The following IRX1 variants were observed in gnomAD, a reference collection of about 807,000 sequenced individuals.
The protein encoded by IRX1 is iroquois-class homeodomain protein IRX-1.
Under a neutral mutation model 34.1 loss-of-function variants are expected in IRX1, and 22 were observed. The observed-to-expected ratio is 0.64, with a 90% CI of 0.46 to 0.92. The LOEUF is 0.92. Among genes scored for constraint, IRX1 ranks in the 40% least tolerant of loss-of-function variants. The pLI, the probability that IRX1 is intolerant of heterozygous loss-of-function variation, is 0.00. For missense variants in IRX1, 758 were observed against 680.0 expected, an observed-to-expected ratio of 1.11 and a Z score of -1.28; for synonymous variants, 363 against 319.0, an observed-to-expected ratio of 1.14 and a Z score of -1.47.
rs1733917549 is a variant in IRX1, at chr5:3,600,034, A to T, written c.1086A>T (p.Gly362=). The part of the protein sequence containing the change: ...LQHPAFLPSH[G]LYTCHIGKFS... ...ACCCCGCCTTCCTGCCTAGCCACGG[A>T]CTGTACACCTGCCACATCGGCAAGT... The change falls in exon 2 of 4, where the codon GGA becomes GGT. Residue 362 remains glycine, a synonymous_variant. Coordinates refer to ENST00000302006, the MANE Select transcript of IRX1 (RefSeq NM_024337.4). 1.2e-5 allele frequency: 19 copies of T among 1,589,256 alleles called. No individual in the cohort carries two copies. The highest frequency in any genetic ancestry group is 1.6e-5 in the Non-Finnish European group (19 of 1,165,912).
In IRX1 at chr5:3,596,090, C is replaced by T; in HGVS notation, c.-16C>T. On this transcript the variant is annotated 5_prime_UTR_variant, in exon 1 of 4. Coordinates refer to ENST00000302006, the MANE Select transcript of IRX1 (RefSeq NM_024337.4). ...TTTAATACTCGCCCGCTGCGGCGGT[C>T]GCCGAGTCCGCGGACATGTCCTTCC... is the stretch of plus-strand genomic sequence containing the variant. The T allele has an allele frequency of 9.4e-7, 1 of 1,062,840 alleles. No homozygotes were observed. The highest frequency in any genetic ancestry group is 1.1e-6 in the Non-Finnish European group (1 of 879,726). The allele number at this position is 1,062,840 out of a possible 1,614,324, so 65.8% of individuals were successfully genotyped here.
rs150332848 is a variant in IRX1, at chr5:3,600,202, T to A, written c.1254T>A (p.Ile418=). Residue 418 remains isoleucine, a synonymous_variant, in exon 2 of 4, where the codon ATT becomes ATA. Coordinates refer to ENST00000302006, the MANE Select transcript of IRX1 (RefSeq NM_024337.4). ...CACCACCGCAGCCGCCGGTCGCTAT[T>A]GCCCCGGGGGCACTCAATGGAGACA... ...APPPPQPPVA[I]APGALNGDKA... is the part of the protein sequence containing the mutation. The A allele has an allele frequency of 9.6e-4, 1,544 of 1,611,564 alleles. 12 individuals are homozygous for A. The African/African-American group carries it at 0.018, about 19-fold the overall frequency.
In IRX1 at chr5:3,596,411, C is replaced by G. The variant is rs200280489; in HGVS notation, c.276+30C>G. The G allele has an allele frequency of 1.2e-5, 18 of 1,471,994 alleles. No homozygotes were observed. The Admixed American group carries it at 4.1e-4, about 33-fold the overall frequency. The allele number at this position is 1,471,994 out of a possible 1,614,324, so 91.2% of individuals were successfully genotyped here. On this transcript the variant is annotated intron_variant, in intron 1 of 3. Transcript: ENST00000302006. The stretch of plus-strand genomic sequence containing the variant: ...GTGCGCCCGGCCTCCCCCGCTTCTC[C>G]TCTGTCTCACCCGCGCCAGGGCAAG...
intron 1 of IRX1, among the ~76,000 whole-genome samples, chr5:3,597,714 C>G (rs1165642518): frequency 6.6e-6 from 1 of 152,196 alleles, no homozygotes; most frequent in African/African-American, 2.4e-5. Context: ...CATTTTGGAA[C>G]GATTGGGCAA....
chr5:3,600,749 C>G, intron 3 of IRX1, 68 bp downstream of exon 3: 1 of 1,441,364 alleles, frequency 6.9e-7, no homozygotes, highest in Non-Finnish European at 9.7e-7. Flanking sequence ...GGTCGGGACC[C>G]GGGCGGAGCT....
chr5:3,599,289 C>G lies in IRX1; in HGVS notation c.341C>G (p.Ala114Gly), dbSNP rs1433427448. The part of the protein sequence containing the change: ...VHPATFAAHT[A>G]PAYYPYGQFQ... ...CCCGCCACCTTCGCAGCCCACACGG[C>G]GCCGGCTTATTACCCCTACGGCCAG... Residue 114 changes from alanine to glycine, a missense_variant, in exon 2 of 4, where the codon GCG becomes GGG. Ala to Gly is a moderately conservative substitution (Grantham distance 60). Around this residue, in one of 3 missense-constraint regions of IRX1, gnomAD observed 195 missense variants for 195.0 expected, o/e 1.00. Coordinates refer to ENST00000302006, the MANE Select transcript of IRX1 (RefSeq NM_024337.4). The surrounding 1 kb of genome is among the most constrained non-coding windows in gnomAD (Gnocchi z 6.6). The G allele has an allele frequency of 1.1e-5, 18 of 1,614,052 alleles. No homozygotes were observed. Among genetic ancestry groups the G allele is most frequent in the Non-Finnish European group, 1.5e-5 (18 of 1,180,036 alleles).
chr5:3,597,059 T>G (rs980003855), intron 1 of IRX1, among the ~76,000 whole-genome samples: 4 of 152,236 alleles, frequency 2.6e-5, no homozygotes, highest in African/African-American at 9.6e-5. Flanking sequence ...TTTACTTTTG[T>G]AAGTTGCCCA....
chr5:3,599,733 C>A lies in IRX1; in HGVS notation c.785C>A (p.Ala262Asp). ...PHAPAAPSAL[A>D]RDQGSPLAAA... ...GCGCCCGCAGCCCCTTCTGCTCTTG[C>A]CCGGGACCAAGGCTCGCCGCTGGCA... The change falls in exon 2 of 4, where the codon GCC (alanine) becomes GAC (aspartate). Residue 262 changes from alanine to aspartate, a missense_variant. Ala to Asp is a moderately radical substitution (Grantham distance 126). Around this residue, in one of 3 missense-constraint regions of IRX1, gnomAD observed 529 missense variants for 418.8 expected, o/e 1.26. Transcript: ENST00000302006. This position sits in a 1 kb window ranked among gnomAD's most constrained non-coding sequence, Gnocchi z 6.6. 5 of 1,612,008 alleles carry A rather than the reference C, an allele frequency of 3.1e-6. No homozygotes were observed. The highest frequency in any genetic ancestry group is 4.2e-6 in the Non-Finnish European group (5 of 1,179,710).
At position 3,601,259 on chromosome 5, in the gene IRX1, G is replaced by C. The variant is rs1733962043; in HGVS notation, c.*219G>C. On this transcript the variant is annotated 3_prime_UTR_variant, in exon 4 of 4. Transcript: ENST00000302006. ...CTCTGCCGGCGGCTCCAGTGGCTGC[G>C]ATTATCGGGTTCGGTAAATGCCCCC... 2 of 588,676 alleles carry C rather than the reference G, an allele frequency of 3.4e-6. No individual in the cohort carries two copies. The highest frequency in any genetic ancestry group is 2.9e-5 in the Admixed American group (1 of 34,294). The allele number at this position is 588,676 out of a possible 1,614,324, so 36.5% of individuals were successfully genotyped here. A position where few individuals can be genotyped will look rare whatever the true frequency, so the allele number is the denominator to read the frequency against.
chr5:3,599,266 C>A lies in IRX1; in HGVS notation c.318C>A (p.Pro106=). ...YELKDNPGVH[P]ATFAAHTAPA... ...TGAAGGACAACCCTGGGGTGCACCC[C>A]GCCACCTTCGCAGCCCACACGGCGC... Residue 106 remains proline (P), a synonymous_variant, in exon 2 of 4, where the codon CCC becomes CCA. Transcript: ENST00000302006. This position sits in a 1 kb window ranked among gnomAD's most constrained non-coding sequence, Gnocchi z 6.6. 1 of 1,613,920 alleles carries A rather than the reference C, an allele frequency of 6.2e-7. No homozygotes were observed. Among genetic ancestry groups the A allele is most frequent in the Non-Finnish European group, 8.5e-7 (1 of 1,180,014 alleles).
intron 2 of IRX1, 79 bp from the exon 3 acceptor site, chr5:3,600,530 A>G: frequency 6.0e-6 from 8 of 1,331,808 alleles, no homozygotes; most frequent in Non-Finnish European, 7.5e-6. Flanking sequence ...GGCAGCCGGC[A>G]GAAGTTGGTG....
chr5:3,601,018 T>C lies in IRX1; in HGVS notation c.1421T>C (p.Leu474Pro), dbSNP rs759657629. 3 of 1,608,370 alleles carry C rather than the reference T, an allele frequency of 1.9e-6. No individual in the cohort carries two copies. The highest frequency in any genetic ancestry group is 2.7e-5 in the African/African-American group (2 of 73,742). ...CCGCAGGAGGGAACGCCGCGGATCC[T>C]AGCAGCCCTCCCGTCCGCCTGATTA... ...LAPQEGTPRI[L>P]AALPSA is the part of the protein sequence containing the mutation. The change falls in exon 4 of 4, where the codon CTA becomes CCA. Residue 474 changes from leucine to proline, a missense_variant. By Grantham distance (98) the Leu-to-Pro change is moderately conservative. This residue lies in a region of IRX1 where 529 missense variants were observed against 418.8 expected (regional missense o/e 1.26). Transcript: ENST00000302006.
intron 3 of IRX1, 32 bp from the exon 4 acceptor site, chr5:3,600,950 CT>C: frequency 6.2e-7 from 1 of 1,610,764 alleles, no homozygotes. Flanking sequence ...CACAGTGCCC[CT>C]GTCTTCTTGT....
rs1265611382 is a variant in IRX1, at chr5:3,599,121, C to T, written c.277-104C>T. On this transcript the variant is annotated intron_variant, in intron 1 of 3. Transcript: ENST00000302006. This position sits in a 1 kb window ranked among gnomAD's most constrained non-coding sequence, Gnocchi z 6.6. ...GCCCTCGAGTCCATTGAAGCGGCTG[C>T]TTCCCACTCTCCCGTCTTGGGGACT... 8.0e-7 allele frequency: 1 copy of T among 1,242,750 alleles called. No homozygotes were observed. The highest frequency in any genetic ancestry group is 1.1e-6 in the Non-Finnish European group (1 of 907,040). The allele number at this position is 1,242,750 out of a possible 1,614,324, so 77.0% of individuals were successfully genotyped here.
chr5:3,597,788 G>T (rs1733825461), intron 1 of IRX1, among the ~76,000 whole-genome samples: 1 of 152,250 alleles, frequency 6.6e-6, no homozygotes. Context: ...ATTAGTCCAA[G>T]AAATCTTCTG....
In IRX1 at chr5:3,600,089, G is replaced by T. The variant is rs563255132; in HGVS notation, c.1141G>T (p.Ala381Ser). The T allele has an allele frequency of 2.5e-6, 4 of 1,612,970 alleles. No homozygotes were observed. In the South Asian group the frequency reaches 4.4e-5, roughly 18 times the overall value. ...FSNWTNSAFLAQGSLLNMRSF... is the reference protein window; with the variant it reads ...FSNWTNSAFLSQGSLLNMRSF... ...CAACTGGACCAACAGCGCATTCCTCGCACAGGGCTCCCTGCTCAACATGCG... is the reference window on the plus strand; with the variant it reads ...CAACTGGACCAACAGCGCATTCCTCTCACAGGGCTCCCTGCTCAACATGCG... The change falls in exon 2 of 4, where the codon GCA becomes TCA. Residue 381 changes from alanine (A) to serine (S), a missense_variant. By Grantham distance (99) the Ala-to-Ser change is moderately conservative. Coordinates refer to ENST00000302006, the MANE Select transcript of IRX1 (RefSeq NM_024337.4).
Position 3,599,138 on chromosome 5 carries a change from T to G in IRX1, c.277-87T>G. 7.3e-7 allele frequency: 1 copy of G among 1,377,178 alleles called. No individual in the cohort carries two copies. The highest frequency in any genetic ancestry group is 9.8e-7 in the Non-Finnish European group (1 of 1,016,730). The allele number at this position is 1,377,178 out of a possible 1,614,324, so 85.3% of individuals were successfully genotyped here. A position where few individuals can be genotyped will look rare whatever the true frequency, so the allele number is the denominator to read the frequency against. ...AGCGGCTGCTTCCCACTCTCCCGTC[T>G]TGGGGACTCATGTCTCTCTCTCTCT... On this transcript the variant is annotated intron_variant, in intron 1 of 3. Coordinates refer to ENST00000302006, the MANE Select transcript of IRX1 (RefSeq NM_024337.4). The surrounding 1 kb of genome is among the most constrained non-coding windows in gnomAD (Gnocchi z 6.6).
chr5:3,596,452 G>A lies in IRX1; in HGVS notation c.276+71G>A, dbSNP rs572910560. ...CCAGGGCAAGGGTGGCGGGTCGCCC[G>A]GGAGGGAGAGACTACGGGTGGACCT... On this transcript the variant is annotated intron_variant, in intron 1 of 3. Coordinates refer to ENST00000302006, the MANE Select transcript of IRX1 (RefSeq NM_024337.4). 8.8e-5 allele frequency: 118 copies of A among 1,340,744 alleles called. No homozygotes were observed. In the African/African-American group the frequency reaches 1.5e-3, roughly 17 times the overall value. The allele number at this position is 1,340,744 out of a possible 1,614,324, so 83.1% of individuals were successfully genotyped here. A position where few individuals can be genotyped will look rare whatever the true frequency, so the allele number is the denominator to read the frequency against.
Position 3,595,963 on chromosome 5 carries a change from G to C in IRX1, c.-143G>C. On this transcript the variant is annotated 5_prime_UTR_variant, in exon 1 of 4. Coordinates refer to ENST00000302006, the MANE Select transcript of IRX1 (RefSeq NM_024337.4). ...GAGCCGCGACCGGCCTCCATCTCCC[G>C]GCCCGCCCGAGCGCGCCCGGCCGGC... The C allele has an allele frequency of 1.7e-5, 6 of 360,854 alleles. No homozygotes were observed. The highest frequency in any genetic ancestry group is 1.9e-5 in the Non-Finnish European group (5 of 257,212). 22.4% of individuals were successfully genotyped at this position (360,854 alleles called of 1,614,324 possible).
Sources: gnomAD v4.1 joint callset for allele counts (sites outside exome capture counted in the v4.1 genomes callset) on GRCh38, gnomAD v4.1.1 for gene constraint, gnomAD v4.1.1 regional missense constraint, Gnocchi (gnomAD v3.1) non-coding constraint, MANE v1.5 for transcripts, NCBI Gene and HGNC (gene_info 2026-07-23, HGNC 2026-07-21) for gene names.